The following GGTA1 variants were observed in gnomAD, a reference collection of about 807,000 sequenced individuals.
The protein encoded by GGTA1 is glycoprotein alpha-galactosyltransferase 1 (inactive).
Under a neutral mutation model 2.6 loss-of-function variants are expected in GGTA1, and 5 were observed. That is an observed-to-expected ratio of 1.92 (90% confidence interval 1.00 to 4.04). GGTA1 has a LOEUF of 4.04. GGTA1 is among the 30% of genes most tolerant of loss of function. The probability of loss-of-function intolerance (pLI) is 0.00; values close to 1 mark genes in which losing one functional copy is unlikely to be tolerated. For missense variants in GGTA1, 50 were observed against 16.7 expected (o/e 2.99, Z -3.47); for synonymous variants, 17 against 5.0 (o/e 3.38, Z -3.19).
intron 1 of GGTA1, among the ~76,000 whole-genome samples, chr9:121,469,036 C>T (rs769909673): frequency 5.3e-5 from 8 of 152,144 alleles, no homozygotes; most frequent in Admixed American, 1.3e-4. Context: ...CTACCCCCAG[C>T]GTAGCCTCAT....
chr9:121,498,379 T>C (rs1829033762), intron 1 of GGTA1, among the ~76,000 whole-genome samples: 1 of 152,182 alleles, frequency 6.6e-6, no homozygotes, highest in African/African-American at 2.4e-5. Flanking sequence ...TTCACCCAGA[T>C]GTAACTCCGA....
downstream of GGTA1, among the ~76,000 whole-genome samples, chr9:121,452,865 A>G (rs1010684099): frequency 5.9e-5 from 9 of 152,012 alleles, no homozygotes; most frequent in Non-Finnish European, 1.0e-4. Flanking sequence ...TTATCTCTAC[A>G]TCTCATACCT....
chr9:121,472,617 T>C (rs1185587553), intron 1 of GGTA1, among the ~76,000 whole-genome samples: 2 of 152,230 alleles, frequency 1.3e-5, no homozygotes, highest in African/African-American at 4.8e-5. Context: ...ATCTGTTCTG[T>C]GTCATAGCCT....
intron 1 of GGTA1, among the ~76,000 whole-genome samples, chr9:121,471,037 G>C (rs1470911348): frequency 6.6e-6 from 1 of 152,226 alleles, no homozygotes; most frequent in East Asian, 1.9e-4. Context: ...TGTAGAGAGA[G>C]GAAAAGGAAA....
At chr9:121,459,822 T>G (rs1428008617) in intron 5 of GGTA1, among the ~76,000 whole-genome samples, 1 of 152,242 alleles carries the variant, frequency 6.6e-6, no homozygotes, top group Non-Finnish European at 1.5e-5. Flanking sequence ...TGTGAGACCA[T>G]GAACTTCTCA....
intron 5 of GGTA1, among the ~76,000 whole-genome samples, chr9:121,458,625 C>T (rs371872576): frequency 7.0e-6 from 1 of 143,798 alleles, no homozygotes; most frequent in Non-Finnish European, 1.5e-5. Context: ...GACCCTGTCT[C>T]AAATAAATAA....
chr9:121,449,009 C>T (rs1204400232), intron 7 of GGTA1, among the ~76,000 whole-genome samples: 1 of 152,244 alleles, frequency 6.6e-6, no homozygotes, highest in African/African-American at 2.4e-5. Flanking sequence ...CAATCACTGA[C>T]CTTTTTACTG....
chr9:121,485,596 T>A (rs1285363213), intron 1 of GGTA1, among the ~76,000 whole-genome samples: 1 of 151,952 alleles, frequency 6.6e-6, no homozygotes, highest in Non-Finnish European at 1.5e-5. Context: ...GAAGACAAGG[T>A]TCCCCAAACC....
chr9:121,499,053 C>A (rs893189967), intron 1 of GGTA1, among the ~76,000 whole-genome samples: 1 of 152,090 alleles, frequency 6.6e-6, no homozygotes, highest in African/African-American at 2.4e-5. Flanking sequence ...GCTGCAGGCA[C>A]CCCGGATGCC....
rs1195847043 is a variant in GGTA1, at chr9:121,455,651, A to G, written c.*186T>C. 1 of 276,016 alleles carries G rather than the reference A, an allele frequency of 3.6e-6. No individual in the cohort carries two copies. Among genetic ancestry groups the G allele is most frequent in the East Asian group, 8.3e-5 (1 of 12,026 alleles). 17.1% of individuals were successfully genotyped at this position (276,016 alleles called of 1,614,324 possible). A position where few individuals can be genotyped will look rare whatever the true frequency, so the allele number is the denominator to read the frequency against. ...CCCACATTTCCCAGTTCCCTGCTCTATACCAGGTCATCCTGCTAAGCGCTG... is the reference window on the plus strand; with the variant it reads ...CCCACATTTCCCAGTTCCCTGCTCTGTACCAGGTCATCCTGCTAAGCGCTG... On this transcript the variant is annotated 3_prime_UTR_variant, in exon 6 of 6. Coordinates refer to ENST00000481799, the MANE Select transcript of GGTA1 (RefSeq NM_001382585.1).
chr9:121,481,317 C>A (rs1288176549), intron 1 of GGTA1, among the ~76,000 whole-genome samples: 1 of 152,126 alleles, frequency 6.6e-6, no homozygotes, highest in African/African-American at 2.4e-5. Flanking sequence ...GAAAATCTCA[C>A]ACACACAGCA....
chr9:121,484,432 C>T (rs978785309), intron 1 of GGTA1, among the ~76,000 whole-genome samples: 1 of 151,888 alleles, frequency 6.6e-6, no homozygotes, highest in African/African-American at 2.4e-5. Flanking sequence ...TACAGGTGCC[C>T]ACTACCATGC....
Position 121,455,829 on chromosome 9 carries a change from G to A in GGTA1, c.*8C>T, listed in dbSNP as rs142895656. 165 of 454,228 alleles carry A rather than the reference G, an allele frequency of 3.6e-4. No individual in the cohort carries two copies. Among genetic ancestry groups the A allele is most frequent in the African/African-American group, 2.6e-3 (132 of 50,092 alleles). 28.1% of individuals were successfully genotyped at this position (454,228 alleles called of 1,614,324 possible). Reference sequence around the variant, plus strand: ...AAACCAGAGTCCAGTTTAGTTATTCGGATTCCTTCAAGCTGGAAGAAAAAA... The same window carrying A: ...AAACCAGAGTCCAGTTTAGTTATTCAGATTCCTTCAAGCTGGAAGAAAAAA... On this transcript the variant is annotated 3_prime_UTR_variant, in exon 6 of 6. Coordinates refer to ENST00000481799, the MANE Select transcript of GGTA1 (RefSeq NM_001382585.1).
chr9:121,463,819 A>G (rs1471655440), intron 2 of GGTA1, among the ~76,000 whole-genome samples: 2 of 152,156 alleles, frequency 1.3e-5, no homozygotes, highest in Non-Finnish European at 1.5e-5. Flanking sequence ...AAAGGACGGA[A>G]ATGCCGTGGC....
intron 1 of GGTA1, among the ~76,000 whole-genome samples, chr9:121,474,605 G>A (rs1359176416): frequency 3.3e-5 from 5 of 152,070 alleles, no homozygotes; most frequent in Admixed American, 6.6e-5. Context: ...CACCCTCTGA[G>A]AATCTCACAG....
intron 2 of GGTA1, among the ~76,000 whole-genome samples, chr9:121,466,132 CT>C (rs2065003673): frequency 6.6e-6 from 1 of 152,148 alleles, no homozygotes; most frequent in South Asian, 2.1e-4. Flanking sequence ...TTTGCCAGGG[CT>C]GGTCTTGAAC....
At chr9:121,482,295 C>T (rs1165663025) in intron 1 of GGTA1, among the ~76,000 whole-genome samples, 1 of 151,748 alleles carries the variant, frequency 6.6e-6, no homozygotes, top group African/African-American at 2.4e-5. Context: ...CAGTGACAGC[C>T]CATCTCCACA....
chr9:121,482,486 C>T (rs889854905), intron 1 of GGTA1, among the ~76,000 whole-genome samples: 2 of 149,762 alleles, frequency 1.3e-5, no homozygotes, highest in East Asian at 2.0e-4. Context: ...ATTAAAAAAT[C>T]GGCTGGGCAC....
chr9:121,492,499 G>C (rs185026619), intron 1 of GGTA1, among the ~76,000 whole-genome samples: 15 of 152,106 alleles, frequency 9.9e-5, no homozygotes, highest in African/African-American at 3.6e-4. Context: ...TTGAGACGGA[G>C]TTTCGCTCTT....
Sources: gnomAD v4.1 joint callset for allele counts (sites outside exome capture counted in the v4.1 genomes callset) on GRCh38, gnomAD v4.1.1 for gene constraint, MANE v1.5 for transcripts, NCBI Gene and HGNC (gene_info 2026-07-23, HGNC 2026-07-21) for gene names.